Variants in RPSA2 observed in about 807,000 individuals in gnomAD.
RPSA2 encodes small ribosomal subunit protein uS2B.
At chr19:23,833,593 G>A in the RPSA2 span, among the ~76,000 whole-genome samples, 6 of 151,950 alleles carry the variant, frequency 3.9e-5, no homozygotes, top group Non-Finnish European at 5.9e-5. Flanking sequence ...ATGCTCACAC[G>A]TTATTGCACA....
At chr19:23,814,683 CTA>C in the RPSA2 span, among the ~76,000 whole-genome samples, 63 of 152,184 alleles carry the variant, frequency 4.1e-4, 1 homozygote, top group Middle Eastern at 0.027. Flanking sequence ...CTTTGAAAAA[CTA>C]TTATTTTTTG....
At chr19:23,804,268 G>A in the RPSA2 span, among the ~76,000 whole-genome samples, 4 of 151,826 alleles carry the variant, frequency 2.6e-5, no homozygotes, top group African/African-American at 9.7e-5. Flanking sequence ...CTGAATATAA[G>A]GGACTCTGTC....
chr19:23,814,288 C>T, the RPSA2 span, among the ~76,000 whole-genome samples: 115 of 150,986 alleles, frequency 7.6e-4, no homozygotes, highest in African/African-American at 2.6e-3. Flanking sequence ...AGGAAATAAT[C>T]GAACTTAATT....
chr19:23,768,149 A>G, the RPSA2 span, among the ~76,000 whole-genome samples: 6 of 152,176 alleles, frequency 3.9e-5, no homozygotes, highest in Non-Finnish European at 2.9e-5. Flanking sequence ...TATGAAAGGT[A>G]TATTTCAGAA....
the RPSA2 span, among the ~76,000 whole-genome samples, chr19:23,779,710 C>T: frequency 1.3e-5 from 2 of 152,294 alleles, no homozygotes; most frequent in Admixed American, 6.5e-5. Flanking sequence ...ACTTTGGCCT[C>T]GTCCTGTCCA....
At chr19:23,853,826 G>T in the RPSA2 span, among the ~76,000 whole-genome samples, 1 of 152,180 alleles carries the variant, frequency 6.6e-6, no homozygotes, top group African/African-American at 2.4e-5. Flanking sequence ...CAAGATAAAT[G>T]TTCTCTGGGG....
At chr19:23,840,027 G>C in the RPSA2 span, among the ~76,000 whole-genome samples, 1 of 152,182 alleles carries the variant, frequency 6.6e-6, no homozygotes, top group African/African-American at 2.4e-5. Flanking sequence ...ATGCCTTTAA[G>C]GACATATTCT....
the RPSA2 span, among the ~76,000 whole-genome samples, chr19:23,761,866 G>A: frequency 7.5e-6 from 1 of 132,936 alleles, no homozygotes. Flanking sequence ...AATGACTGAG[G>A]AGCCTTTCTA....
chr19:23,832,799 C>A, the RPSA2 span: 2 of 1,573,322 alleles, frequency 1.3e-6, no homozygotes, highest in African/African-American at 1.4e-5. Flanking sequence ...GGAGAGAAAC[C>A]CTACAAATGT....
At chr19:23,821,362 T>C in the RPSA2 span, among the ~76,000 whole-genome samples, 1 of 152,196 alleles carries the variant, frequency 6.6e-6, no homozygotes, top group Non-Finnish European at 1.5e-5. Context: ...CCTATAGCCA[T>C]TCCCTTTCAC....
At chr19:23,817,369 C>T in the RPSA2 span, among the ~76,000 whole-genome samples, 7 of 151,930 alleles carry the variant, frequency 4.6e-5, no homozygotes, top group East Asian at 7.7e-4. Flanking sequence ...GCAACAAGTG[C>T]GATACTCCAT....
At chr19:23,837,985 G>T in the RPSA2 span, among the ~76,000 whole-genome samples, 1 of 152,126 alleles carries the variant, frequency 6.6e-6, no homozygotes, top group Non-Finnish European at 1.5e-5. Context: ...CTATGTTGAA[G>T]AGGAGTGGTG....
chr19:23,789,183 T>G, the RPSA2 span, among the ~76,000 whole-genome samples: 1 of 151,978 alleles, frequency 6.6e-6, no homozygotes, highest in Admixed American at 6.6e-5. Context: ...GTATTTTTAG[T>G]AGAGGTGGGG....
chr19:23,778,235 G>A, the RPSA2 span, among the ~76,000 whole-genome samples: 1 of 152,060 alleles, frequency 6.6e-6, no homozygotes, highest in Non-Finnish European at 1.5e-5. Context: ...TGTTTTTGAT[G>A]GAGTTTCACT....
At chr19:23,789,772 C>T in the RPSA2 span, among the ~76,000 whole-genome samples, 1 of 150,978 alleles carries the variant, frequency 6.6e-6, no homozygotes, top group African/African-American at 2.4e-5. Flanking sequence ...TGCAGTGGCA[C>T]ACTCTCGGCT....
the RPSA2 span, chr19:23,782,213 C>T: frequency 6.6e-6 from 1 of 152,220 alleles, no homozygotes; most frequent in Non-Finnish European, 1.5e-5. Context: ...CTGCCTGTTC[C>T]CTAATCACAG....
the RPSA2 span, among the ~76,000 whole-genome samples, chr19:23,775,817 TTG>T: frequency 6.6e-5 from 10 of 152,204 alleles, no homozygotes; most frequent in African/African-American, 2.4e-4. Context: ...ATTCTAAAAA[TTG>T]TGACTTGTGT....
At chr19:23,777,237 C>A in the RPSA2 span, among the ~76,000 whole-genome samples, 1 of 152,196 alleles carries the variant, frequency 6.6e-6, no homozygotes, top group Non-Finnish European at 1.5e-5. Flanking sequence ...TATTGCTTGG[C>A]CAGGATCCTA....
chr19:23,810,373 G>A, the RPSA2 span, among the ~76,000 whole-genome samples: 7 of 120,308 alleles, frequency 5.8e-5, no homozygotes, highest in African/African-American at 1.6e-4. Flanking sequence ...CAGCCTGGGT[G>A]ACAGAGCGAG....
Sources: allele counts gnomAD v4.1 joint callset (sites outside exome capture counted in the v4.1 genomes callset), GRCh38; gene constraint gnomAD v4.1.1; transcripts MANE v1.5; gene names NCBI Gene and HGNC (gene_info 2026-07-23, HGNC 2026-07-21).